SLC28A3: variants seen among roughly 807,000 people sequenced by gnomAD.
SLC28A3 encodes the protein solute carrier family 28 member 3, also known as concentrative Na(+)-nucleoside cotransporter 3.
SLC28A3 carries 68 observed loss-of-function variants against 84.2 expected under a neutral mutation model. That is an observed-to-expected ratio of 0.81 (90% CI 0.66 to 0.99). The LOEUF (loss-of-function observed/expected upper bound fraction) is 0.99. SLC28A3 is among the 50% of genes least tolerant of loss of function. The pLI, the probability that SLC28A3 is intolerant of heterozygous loss-of-function variation, is 0.00. For synonymous variants in SLC28A3, 267 were observed against 303.6 expected (o/e 0.88, Z 1.25); for missense variants, 712 against 841.5 (o/e 0.85, Z 1.90).
chr9:84,296,452 A>G (rs983460575), intron 8 of SLC28A3, among the ~76,000 whole-genome samples: 1 of 152,312 alleles, frequency 6.6e-6, no homozygotes. Context: ...TCTAAGTGAG[A>G]AAACAATTTA....
At chr9:84,298,089 G>A (rs1825485489) in intron 6 of SLC28A3, 70 bp from the exon 7 acceptor site, 1 of 1,258,326 alleles carries the variant, frequency 7.9e-7, no homozygotes. Flanking sequence ...AATGTCTAAT[G>A]GATCACTATT....
At chr9:84,366,110 T>C in the SLC28A3 span, among the ~76,000 whole-genome samples, 338 of 152,190 alleles carry the variant, frequency 2.2e-3, 4 homozygotes, top group Non-Finnish European at 3.2e-4. Flanking sequence ...GTAAACTGAC[T>C]GTATTTTCAA....
chr9:84,319,947 C>A (rs148618473), intron 1 of SLC28A3, among the ~76,000 whole-genome samples: 2 of 151,716 alleles, frequency 1.3e-5, no homozygotes, highest in East Asian at 3.9e-4. Flanking sequence ...TTTTTTATTG[C>A]CCTGCAGCCA....
chr9:84,310,451 G>A, intron 2 of SLC28A3: 1 of 985,410 alleles, frequency 1.0e-6, no homozygotes, highest in South Asian at 4.7e-5. Context: ...TAATAAGCCT[G>A]GCTCTTGTAA....
rs1564183816 is a variant in SLC28A3, at chr9:84,340,661, TC to T, written c.-29del. The T allele has an allele frequency of 6.2e-7, 1 of 1,613,954 alleles. No homozygotes were observed. Among genetic ancestry groups the T allele is most frequent in the East Asian group, 2.2e-5 (1 of 44,864 alleles). On this transcript the variant is annotated 5_prime_UTR_variant, in exon 1 of 18. Coordinates refer to ENST00000376238, the MANE Select transcript of SLC28A3 (RefSeq NM_001199633.2). The stretch of plus-strand genomic sequence containing the variant: ...TCTTTTTGCTGCTGGCTGGCTCTGG[TC>T]TGGAGGTCCTTTGTACCTGGGAAAA...
At position 84,277,147 on chromosome 9, in the gene SLC28A3, AGCT is replaced by A. The variant is rs1824553681; in HGVS notation, c.*1068_*1070del. ...CTTACACGGCTTTTGATTGAAGAGT[AGCT>A]GCTTTGTCACCAGGAATACATTACC... On this transcript the variant is annotated 3_prime_UTR_variant, in exon 18 of 18. Transcript: ENST00000376238. 1 of 152,236 alleles carries A rather than the reference AGCT, an allele frequency of 6.6e-6. No homozygotes were observed. Among genetic ancestry groups the A allele is most frequent in the Admixed American group, 6.5e-5 (1 of 15,282 alleles). 9.4% of individuals were successfully genotyped at this position (152,236 alleles called of 1,614,324 possible).
At chr9:84,344,602 G>A (rs1040663773), upstream of SLC28A3, among the ~76,000 whole-genome samples, 1 of 152,086 alleles carries the variant, frequency 6.6e-6, no homozygotes, top group Non-Finnish European at 1.5e-5. Context: ...ATGTTTCTTT[G>A]ACATATTTTG....
chr9:84,291,174 C>T (rs1268694900), intron 10 of SLC28A3, among the ~76,000 whole-genome samples: 2 of 152,120 alleles, frequency 1.3e-5, no homozygotes, highest in East Asian at 1.9e-4. Context: ...GAACCCTGTG[C>T]GGGAGCCCTC....
chr9:84,314,175 C>T (rs1826088847), intron 1 of SLC28A3, among the ~76,000 whole-genome samples: 1 of 152,066 alleles, frequency 6.6e-6, no homozygotes, highest in Non-Finnish European at 1.5e-5. Context: ...TGGTTTAAAG[C>T]AATCTCTGGC....
chr9:84,365,426 C>T, the SLC28A3 span, among the ~76,000 whole-genome samples: 1 of 152,000 alleles, frequency 6.6e-6, no homozygotes, highest in Non-Finnish European at 1.5e-5. Context: ...GATTATAATC[C>T]TTTGTCAAAT....
At chr9:84,284,226 G>A (rs2118078429) in intron 14 of SLC28A3, among the ~76,000 whole-genome samples, 1 of 152,268 alleles carries the variant, frequency 6.6e-6, no homozygotes, top group Middle Eastern at 3.4e-3. Flanking sequence ...TGGTTTTGGT[G>A]GCATCTAAAC....
At chr9:84,316,759 T>C (rs1211208233) in intron 1 of SLC28A3, among the ~76,000 whole-genome samples, 4 of 152,164 alleles carry the variant, frequency 2.6e-5, no homozygotes, top group African/African-American at 4.8e-5. Flanking sequence ...TCCCAGCACA[T>C]TGGGAGGCCA....
Position 84,292,666 on chromosome 9 carries a change from AC to A in SLC28A3, c.1023+1del, listed in dbSNP as rs994792898. The A allele has an allele frequency of 6.2e-7, 1 of 1,607,222 alleles. No individual in the cohort carries two copies. The highest frequency in any genetic ancestry group is 1.7e-5 in the Admixed American group (1 of 58,978). On this transcript the variant is annotated splice_donor_variant, in intron 10 of 17. Transcript: ENST00000376238. LOFTEE classifies it high-confidence loss of function. The stretch of plus-strand genomic sequence containing the variant: ...TTTTGTTCTGTTGATATTACAACTT[AC>A]TTGTCCAACAAATATATTGCCAGAA...
Position 84,299,739 on chromosome 9 carries a change from A to G in SLC28A3, c.525-14T>C. The G allele has an allele frequency of 6.4e-7, 1 of 1,566,490 alleles. No individual in the cohort carries two copies. Among genetic ancestry groups the G allele is most frequent in the Non-Finnish European group, 8.6e-7 (1 of 1,163,772 alleles). On this transcript the variant is annotated splice_polypyrimidine_tract_variant and intron_variant, in intron 5 of 17. Coordinates refer to ENST00000376238, the MANE Select transcript of SLC28A3 (RefSeq NM_001199633.2). Reference sequence around the variant, plus strand: ...CTCCAGATCACCCTAAGAGAAGGGGAAAGGAGGCATTGGCATCATTTGTTG... The same window carrying G: ...CTCCAGATCACCCTAAGAGAAGGGGGAAGGAGGCATTGGCATCATTTGTTG...
At chr9:84,342,667 C>T (rs2118656234), upstream of SLC28A3, among the ~76,000 whole-genome samples, 1 of 152,148 alleles carries the variant, frequency 6.6e-6, no homozygotes, top group African/African-American at 2.4e-5. Flanking sequence ...ATCTTCCCAC[C>T]TGCCTTGGTT....
chr9:84,341,108 G>A (rs1443837984), upstream of SLC28A3, among the ~76,000 whole-genome samples: 1 of 151,840 alleles, frequency 6.6e-6, no homozygotes, highest in Non-Finnish European at 1.5e-5. Flanking sequence ...CAAGTAGCTG[G>A]GATTACAGGT....
At chr9:84,350,207 C>A in the SLC28A3 span, among the ~76,000 whole-genome samples, 3 of 152,114 alleles carry the variant, frequency 2.0e-5, no homozygotes, top group Non-Finnish European at 2.9e-5. Flanking sequence ...TTTGGGAGGC[C>A]AAGGCAGGTG....
the SLC28A3 span, among the ~76,000 whole-genome samples, chr9:84,368,517 C>G: frequency 2.5e-4 from 38 of 152,190 alleles, no homozygotes; most frequent in East Asian, 7.2e-3. Flanking sequence ...GAATGCTGGC[C>G]GGACTGGGTC....
intron 5 of SLC28A3, among the ~76,000 whole-genome samples, chr9:84,301,555 C>T (rs1825638705): frequency 6.6e-6 from 1 of 152,042 alleles, no homozygotes; most frequent in Non-Finnish European, 1.5e-5. Context: ...AGTGCTCAGC[C>T]TCCCATGTTC....
Sources: allele counts gnomAD v4.1 joint callset (sites outside exome capture counted in the v4.1 genomes callset), GRCh38; gene constraint gnomAD v4.1.1; transcripts MANE v1.5; gene names NCBI Gene and HGNC (gene_info 2026-07-23, HGNC 2026-07-21).